The following PTH2R variants were observed in gnomAD, a reference collection of about 807,000 sequenced individuals.
PTH2R encodes PTH2 receptor.
PTH2R carries 59 observed loss-of-function variants against 60.3 expected under a neutral mutation model. That is an observed-to-expected ratio of 0.98 (90% CI 0.79 to 1.22). The LOEUF (loss-of-function observed/expected upper bound fraction) is 1.22. PTH2R is among the 50% of genes most tolerant of loss of function. The probability of loss-of-function intolerance (pLI) is 0.00; values close to 1 mark genes in which losing one functional copy is unlikely to be tolerated. For synonymous variants in PTH2R, 256 were observed against 243.8 expected (o/e 1.05, Z -0.47); for missense variants, 749 against 682.6 (o/e 1.10, Z -1.08).
chr2:208,468,877 G>A (rs1302792347), intron 9 of PTH2R, among the ~76,000 whole-genome samples: 2 of 151,964 alleles, frequency 1.3e-5, no homozygotes, highest in Admixed American at 1.3e-4. Flanking sequence ...TAGTTTCCTG[G>A]CACAGAATGA....
At chr2:208,404,400 G>A (rs926596876), upstream of PTH2R, among the ~76,000 whole-genome samples, 5 of 152,082 alleles carry the variant, frequency 3.3e-5, no homozygotes, top group South Asian at 2.1e-4. Context: ...TAAGATTGGC[G>A]ATTGCTTCCT....
chr2:208,412,342 G>T (rs1701556273), intron 1 of PTH2R, among the ~76,000 whole-genome samples: 1 of 152,204 alleles, frequency 6.6e-6, no homozygotes, highest in African/African-American at 2.4e-5. Flanking sequence ...ACACTAGTTA[G>T]AAATGAATAG....
chr2:208,417,450 T>C (rs936174910), intron 1 of PTH2R, among the ~76,000 whole-genome samples: 3 of 152,088 alleles, frequency 2.0e-5, no homozygotes, highest in African/African-American at 7.2e-5. Flanking sequence ...ATTTATTTAT[T>C]TGAAAAATTC....
At chr2:208,467,813 A>G (rs1028009924) in intron 9 of PTH2R, among the ~76,000 whole-genome samples, 6 of 152,176 alleles carry the variant, frequency 3.9e-5, no homozygotes, top group African/African-American at 1.4e-4. Context: ...TTCCTGGGCC[A>G]TAAAGCTGAC....
chr2:208,443,669 G>A, intron 6 of PTH2R, 132 bp downstream of exon 6: 1 of 655,602 alleles, frequency 1.5e-6, no homozygotes, highest in Non-Finnish European at 2.4e-6. Context: ...TTATCAATTT[G>A]TATAGTGATG....
At chr2:208,403,281 A>C (rs920837894), upstream of PTH2R, among the ~76,000 whole-genome samples, 16 of 152,222 alleles carry the variant, frequency 1.1e-4, no homozygotes, top group African/African-American at 3.6e-4. Context: ...TGCTATACAT[A>C]TGTAGGGATG....
At chr2:208,442,549 A>C in intron 5 of PTH2R, 88 bp downstream of exon 5, 1 of 1,046,576 alleles carries the variant, frequency 9.6e-7, no homozygotes, top group Non-Finnish European at 1.5e-6. Context: ...TATTTTCCAA[A>C]TGTTTTCCTC....
chr2:208,385,495 C>G (rs1476946852), intron 1 of PTH2R, among the ~76,000 whole-genome samples: 1 of 152,178 alleles, frequency 6.6e-6, no homozygotes, highest in African/African-American at 2.4e-5. Context: ...TAGGCTTGAC[C>G]AAGCATTTCC....
chr2:208,447,369 A>G (rs1453226293), intron 7 of PTH2R, among the ~76,000 whole-genome samples: 2 of 151,992 alleles, frequency 1.3e-5, no homozygotes, highest in Non-Finnish European at 2.9e-5. Context: ...CGGGCGGATC[A>G]TGAGGTCAGG....
At chr2:208,446,534 T>G (rs1366038740) in intron 7 of PTH2R, among the ~76,000 whole-genome samples, 2 of 152,200 alleles carry the variant, frequency 1.3e-5, no homozygotes, top group Non-Finnish European at 2.9e-5. Context: ...ACATGCCACA[T>G]TTTGCTCACT....
At chr2:208,491,476 C>A (rs1429103481) in intron 12 of PTH2R, among the ~76,000 whole-genome samples, 4 of 152,104 alleles carry the variant, frequency 2.6e-5, no homozygotes, top group African/African-American at 9.7e-5. Flanking sequence ...GAGAATAAAC[C>A]TGGGAGGGGC....
intron 12 of PTH2R, among the ~76,000 whole-genome samples, chr2:208,491,455 G>C (rs914998440): frequency 6.6e-6 from 1 of 152,134 alleles, no homozygotes; most frequent in African/African-American, 2.4e-5. Context: ...GTCAAAGATG[G>C]GTTTATTTAG....
chr2:208,446,159 T>C (rs1702283814), intron 7 of PTH2R, among the ~76,000 whole-genome samples: 1 of 152,206 alleles, frequency 6.6e-6, no homozygotes, highest in South Asian at 2.1e-4. Flanking sequence ...CTTACATTTT[T>C]AATAAATTCT....
intron 1 of PTH2R, among the ~76,000 whole-genome samples, chr2:208,382,295 T>C (rs1342151387): frequency 2.0e-5 from 3 of 152,140 alleles, no homozygotes; most frequent in South Asian, 4.1e-4. Flanking sequence ...TGTGTGGAAA[T>C]AGGTTTTCAT....
In PTH2R at chr2:208,428,197, A is replaced by C. The variant is rs774886297; in HGVS notation, c.76-4A>C. The C allele has an allele frequency of 1.5e-5, 24 of 1,603,638 alleles. No individual in the cohort carries two copies. The highest frequency in any genetic ancestry group is 1.9e-5 in the Non-Finnish European group (22 of 1,171,834). On this transcript the variant is annotated splice_region_variant and splice_polypyrimidine_tract_variant and intron_variant, in intron 1 of 12. Transcript: ENST00000272847. ...AAATGTTTGTATTTTGTTCACTTCT[A>C]CAGCTGGATTCTGATGGCACCATTA...
chr2:208,465,732 G>A (rs555597410), intron 9 of PTH2R, among the ~76,000 whole-genome samples: 26 of 152,108 alleles, frequency 1.7e-4, no homozygotes, highest in African/African-American at 6.0e-4. Context: ...ATATTTTAAT[G>A]CATTTTGGTA....
chr2:208,458,382 T>C (rs1702557922), intron 8 of PTH2R, among the ~76,000 whole-genome samples: 1 of 152,152 alleles, frequency 6.6e-6, no homozygotes, highest in Admixed American at 6.6e-5. Flanking sequence ...AAACAAACTT[T>C]TTAAAATTAG....
At chr2:208,471,400 G>A (rs1326141321) in intron 9 of PTH2R, among the ~76,000 whole-genome samples, 1 of 152,210 alleles carries the variant, frequency 6.6e-6, no homozygotes, top group Non-Finnish European at 1.5e-5. Context: ...GCTGTGTGCA[G>A]CCTAGGGACT....
intron 9 of PTH2R, among the ~76,000 whole-genome samples, chr2:208,474,011 A>G (rs1187923251): frequency 6.6e-6 from 1 of 152,166 alleles, no homozygotes; most frequent in African/African-American, 2.4e-5. Context: ...AAGGTCATAC[A>G]GGTCATTAGC....
Sources: gnomAD v4.1 joint callset for allele counts (sites outside exome capture counted in the v4.1 genomes callset) on GRCh38, gnomAD v4.1.1 for gene constraint, MANE v1.5 for transcripts, NCBI Gene and HGNC (gene_info 2026-07-23, HGNC 2026-07-21) for gene names.